Variants in DEAF1 observed in about 807,000 individuals in gnomAD.
The protein encoded by DEAF1 is deformed epidermal autoregulatory factor 1 homolog.
A neutral mutation model predicts 58.9 loss-of-function variants in DEAF1; 53 were observed. The ratio of observed to expected loss-of-function variants is 0.90; its 90% CI spans 0.72 to 1.13. The LOEUF is 1.13. DEAF1 is among the 50% of genes most tolerant of loss of function. The pLI, the probability that DEAF1 is intolerant of heterozygous loss-of-function variation, is 0.00. For missense variants in DEAF1, 685 were observed against 791.4 expected (o/e 0.87, Z 1.61); for synonymous variants, 385 against 340.4 (o/e 1.13, Z -1.44).
chr11:700,214 C>A (rs944374616), upstream of DEAF1: 2 of 1,613,812 alleles, frequency 1.2e-6, no homozygotes, highest in African/African-American at 2.7e-5. Context: ...CCTCGCCACG[C>A]TCCTGATGAT....
At chr11:687,097 C>T (rs573475291) in intron 4 of DEAF1, 100 bp from the exon 5 acceptor site, 36 of 1,555,386 alleles carry the variant, frequency 2.3e-5, no homozygotes, top group African/African-American at 4.1e-5. Flanking sequence ...CCAGCACCAG[C>T]GCCCCAGCGG....
In DEAF1 at chr11:669,457, T is replaced by C. The variant is rs558954439; in HGVS notation, c.1503+5079A>G. On this transcript the variant is annotated intron_variant, in intron 10 of 11. Coordinates refer to ENST00000382409, the MANE Select transcript of DEAF1 (RefSeq NM_021008.4). The stretch of plus-strand genomic sequence containing the variant: ...CTCAAGACCAGCCTGACCTAAATGG[T>C]GAAACCCTGTCTCTACTGAAAATAC... Among the ~76,000 whole-genome samples the C allele has an allele frequency of 3.3e-4, 50 of 151,626 alleles. 1 individual carries two copies. The highest frequency in any genetic ancestry group is 1.2e-3 in the African/African-American group (50 of 41,312).
rs1373185780 is a variant in DEAF1, at chr11:688,990, G to A, written c.388-530C>T. ...CGCCACAGGAAGCCAGAGTCTCCATGCCCACACACCACTGCTGGAACTTGA... is the reference window on the plus strand; with the variant it reads ...CGCCACAGGAAGCCAGAGTCTCCATACCCACACACCACTGCTGGAACTTGA... On this transcript the variant is annotated intron_variant, in intron 2 of 11. Coordinates refer to ENST00000382409, the MANE Select transcript of DEAF1 (RefSeq NM_021008.4). This position sits in a 1 kb window ranked among gnomAD's most constrained non-coding sequence, Gnocchi z 4.3. Among the ~76,000 whole-genome samples the A allele has an allele frequency of 6.6e-6, 1 of 152,136 alleles. No homozygotes were observed. The highest frequency in any genetic ancestry group is 2.4e-5 in the African/African-American group (1 of 41,428).
intron 10 of DEAF1, among the ~76,000 whole-genome samples, chr11:671,848 A>C (rs1486867365): frequency 1.6e-5 from 1 of 64,008 alleles, no homozygotes; most frequent in East Asian, 6.6e-4. Flanking sequence ...AAAAAAAAAA[A>C]AGAAACACAA....
At chr11:676,855 G>A (rs2133372609) in intron 9 of DEAF1, among the ~76,000 whole-genome samples, 1 of 152,286 alleles carries the variant, frequency 6.6e-6, no homozygotes, top group East Asian at 1.9e-4. Flanking sequence ...CACAAACCCT[G>A]AGGTTCTGCA....
intron 10 of DEAF1, among the ~76,000 whole-genome samples, chr11:668,285 T>C (rs1859647770): frequency 1.3e-5 from 2 of 152,208 alleles, no homozygotes; most frequent in Admixed American, 6.5e-5. Context: ...AAAAACAAGA[T>C]TTGGACCACA....
At chr11:655,381 G>T (rs1033004023) in intron 10 of DEAF1, among the ~76,000 whole-genome samples, 2 of 152,224 alleles carry the variant, frequency 1.3e-5, no homozygotes, top group African/African-American at 4.8e-5. Context: ...TCAGCGCATA[G>T]GTCAACATGC....
At chr11:648,419 T>A (rs1235265906) in intron 11 of DEAF1, among the ~76,000 whole-genome samples, 3 of 152,046 alleles carry the variant, frequency 2.0e-5, no homozygotes, top group South Asian at 2.1e-4. Context: ...ATGGTCTCGA[T>A]CTCCTGACCT....
chr11:651,750 G>A (rs1318635440), intron 11 of DEAF1, among the ~76,000 whole-genome samples: 3 of 152,190 alleles, frequency 2.0e-5, no homozygotes, highest in Non-Finnish European at 4.4e-5. Flanking sequence ...GCCGGGCGTG[G>A]TGGCGGGTGC....
At position 674,783 on chromosome 11, in the gene DEAF1, A is replaced by C; in HGVS notation, c.1256T>G (p.Val419Gly). The C allele has an allele frequency of 1.2e-6, 2 of 1,611,242 alleles. No homozygotes were observed. Among genetic ancestry groups the C allele is most frequent in the Non-Finnish European group, 1.7e-6 (2 of 1,180,014 alleles). The change falls in exon 10 of 12, where the codon GTG becomes GGG. Residue 419 changes from valine (V) to glycine (G), a missense_variant and splice_region_variant. Physicochemically the swap from Val to Gly is moderately radical, Grantham distance 109. Transcript: ENST00000382409. Reference sequence around the variant, plus strand: ...CGCCAGCGCAGGCAGGGATGTCAACACTAGAGCATTTGGAAAGCAAAACAA... The same window carrying C: ...CGCCAGCGCAGGCAGGGATGTCAACCCTAGAGCATTTGGAAAGCAAAACAA... Reference protein sequence around the residue: ...AALPTSHPKIVLTSLPALAVP... With the variant: ...AALPTSHPKIGLTSLPALAVP...
intron 11 of DEAF1, among the ~76,000 whole-genome samples, chr11:652,390 C>T (rs1858817230): frequency 6.6e-6 from 1 of 152,142 alleles, no homozygotes. Flanking sequence ...GCAATCCCAG[C>T]AATTTGGGAG....
At chr11:680,487 G>C (rs944428329) in intron 7 of DEAF1, among the ~76,000 whole-genome samples, 1 of 152,236 alleles carries the variant, frequency 6.6e-6, no homozygotes, top group African/African-American at 2.4e-5. Context: ...GCACGTGCCT[G>C]TGGTCCCAGC....
chr11:672,021 C>T (rs1859850721), intron 10 of DEAF1, among the ~76,000 whole-genome samples: 2 of 152,120 alleles, frequency 1.3e-5, no homozygotes, highest in South Asian at 4.2e-4. Flanking sequence ...ACTGTCATTA[C>T]CTCAATAGTC....
intron 1 of DEAF1, chr11:700,895 G>A: frequency 1.6e-6 from 1 of 635,926 alleles, no homozygotes; most frequent in Non-Finnish European, 2.8e-6. Context: ...TTGTCCCAGA[G>A]ACAAATAACA....
intron 6 of DEAF1, 65 bp from the exon 7 acceptor site, chr11:681,154 C>T (rs1270855119): frequency 1.2e-4 from 187 of 1,610,160 alleles, no homozygotes; most frequent in Admixed American, 3.3e-5. Context: ...GCTTGCAACT[C>T]CTCCTTAAGT....
intron 10 of DEAF1, among the ~76,000 whole-genome samples, chr11:657,376 C>T (rs879413978): frequency 3.3e-5 from 5 of 152,158 alleles, no homozygotes; most frequent in African/African-American, 4.8e-5. Flanking sequence ...CAGGAGCCGA[C>T]GGCAGGAGCT....
At chr11:649,676 C>T (rs1483824719) in intron 11 of DEAF1, among the ~76,000 whole-genome samples, 4 of 151,984 alleles carry the variant, frequency 2.6e-5, no homozygotes, top group African/African-American at 4.8e-5. Context: ...GCCGAGATTA[C>T]GCCAGTGCAC....
intron 1 of DEAF1, chr11:706,160 CGCCCCGGCCCG>C (rs1443277397): frequency 6.6e-6 from 1 of 152,010 alleles, no homozygotes; most frequent in African/African-American, 2.4e-5. Context: ...CTCCCGGCCC[CGCCCCGGCCCG>C]GCCCCGCCGA....
chr11:681,968 G>T (rs947916721), intron 6 of DEAF1, among the ~76,000 whole-genome samples: 1 of 152,212 alleles, frequency 6.6e-6, no homozygotes, highest in Non-Finnish European at 1.5e-5. Flanking sequence ...ATCAGACACC[G>T]CAGGTGATAC....
Sources: gnomAD v4.1 joint callset for allele counts (sites outside exome capture counted in the v4.1 genomes callset) on GRCh38, gnomAD v4.1.1 for gene constraint, Gnocchi (gnomAD v3.1) non-coding constraint, MANE v1.5 for transcripts, NCBI Gene and HGNC (gene_info 2026-07-23, HGNC 2026-07-21) for gene names.